DIS3: variants seen among roughly 807,000 people sequenced by gnomAD.
DIS3 encodes exosome complex exonuclease RRP44.
Under a neutral mutation model 113.0 loss-of-function variants are expected in DIS3, and 103 were observed. The ratio of observed to expected loss-of-function variants is 0.91; its 90% CI spans 0.78 to 1.07. The LOEUF (loss-of-function observed/expected upper bound fraction) is 1.07. Ranked by LOEUF, DIS3 falls within the 50% of genes least tolerant of loss-of-function variation. The probability of loss-of-function intolerance (pLI) is 0.00; values close to 1 mark genes in which losing one functional copy is unlikely to be tolerated. For missense variants in DIS3, 1,121 were observed against 1,167.1 expected, an observed-to-expected ratio of 0.96 and a Z score of 0.58; for synonymous variants, 402 against 394.3, an observed-to-expected ratio of 1.02 and a Z score of -0.23.
At chr13:72,770,002 T>C (rs1448275860) in intron 13 of DIS3, among the ~76,000 whole-genome samples, 1 of 152,190 alleles carries the variant, frequency 6.6e-6, no homozygotes, top group Non-Finnish European at 1.5e-5. Flanking sequence ...GGCTCCATTA[T>C]GAATAAACAT....
intron 10 of DIS3, 106 bp from the exon 11 acceptor site, chr13:72,772,002 C>T: frequency 7.6e-7 from 1 of 1,324,112 alleles, no homozygotes; most frequent in Non-Finnish European, 1.0e-6. Context: ...AAGACTCAGT[C>T]ACCTCTACCA....
rs376903395 is a variant in DIS3, at chr13:72,772,846, C to T, written c.1240-7G>A. On this transcript the variant is annotated splice_polypyrimidine_tract_variant and splice_region_variant and intron_variant, in intron 8 of 20. Transcript: ENST00000377767. ...AATTTCTCACAAAGTGTCCCTGAAA[C>T]CAAGAGGCATTATTAGAAACGCCTA... The T allele has an allele frequency of 1.3e-6, 2 of 1,583,632 alleles. No homozygotes were observed. The highest frequency in any genetic ancestry group is 2.7e-5 in the African/African-American group (2 of 73,194).
At chr13:72,778,451 T>C (rs562973013) in intron 2 of DIS3, 71 bp from the exon 3 acceptor site, 2 of 1,294,074 alleles carry the variant, frequency 1.5e-6, no homozygotes, top group African/African-American at 1.5e-5. Context: ...TCTTAGCACA[T>C]AAATGCTTAA....
chr13:72,763,717 C>T (rs745597263), intron 15 of DIS3, 110 bp from the exon 16 acceptor site: 15 of 1,081,112 alleles, frequency 1.4e-5, no homozygotes, highest in Non-Finnish European at 1.9e-5. Context: ...AGAGCATTTC[C>T]TATGTAAACA....
At chr13:72,769,931 GA>G (rs916665033) in intron 13 of DIS3, among the ~76,000 whole-genome samples, 33 of 152,286 alleles carry the variant, frequency 2.2e-4, no homozygotes, top group African/African-American at 7.5e-4. Flanking sequence ...AAATAAGAGA[GA>G]ACATAAGGGA....
Position 72,755,427 on chromosome 13 carries a change from A to G in DIS3, c.*4368T>C. Reference sequence around the variant, plus strand: ...TTGCTGAATTATAAGTTTATTTTTTATCAATAAATATTTTTATACTTACAT... The same window carrying G: ...TTGCTGAATTATAAGTTTATTTTTTGTCAATAAATATTTTTATACTTACAT... On this transcript the variant is annotated 3_prime_UTR_variant, in exon 21 of 21. Transcript: ENST00000377767. 1.9e-6 allele frequency: 1 copy of G among 516,264 alleles called. No individual in the cohort carries two copies. The allele number at this position is 516,264 out of a possible 1,614,324, so 32.0% of individuals were successfully genotyped here. A position where few individuals can be genotyped will look rare whatever the true frequency, so the allele number is the denominator to read the frequency against.
rs773933088 is a variant in DIS3 at position 72,760,498 on chromosome 13, CACA to C, written c.2793+28_2793+30del. On this transcript the variant is annotated intron_variant, in intron 20 of 20. Transcript: ENST00000377767. ...ACAAAATATGTACTGTTTGTTCCAT[CACA>C]ACAAGGAAATTTTAAGTTTGGCCTT... The C allele has an allele frequency of 9.3e-6, 15 of 1,612,686 alleles. No individual in the cohort carries two copies. In the South Asian group the frequency reaches 9.9e-5, roughly 11 times the overall value.
In DIS3 at chr13:72,781,605, C is replaced by CT; in HGVS notation, c.227dup (p.Ile77AspfsTer2). On this transcript the variant is annotated frameshift_variant and splice_region_variant, in exon 1 of 21. Transcript: ENST00000377767. LOFTEE classifies it high-confidence loss of function. ...GTCCGCGGTTCGCCCGCCCACGCACCTGGTGCAGTAACACATTAGTGTCGG... is the reference window on the plus strand; with the variant it reads ...GTCCGCGGTTCGCCCGCCCACGCACCTTGGTGCAGTAACACATTAGTGTCGG... The CT allele has an allele frequency of 6.6e-7, 1 of 1,510,194 alleles. No homozygotes were observed. The highest frequency in any genetic ancestry group is 1.3e-5 in the South Asian group (1 of 79,696). 93.5% of individuals were successfully genotyped at this position (1,510,194 alleles called of 1,614,324 possible). A position where few individuals can be genotyped will look rare whatever the true frequency, so the allele number is the denominator to read the frequency against.
chr13:72,775,693 T>C (rs2033997291), intron 5 of DIS3, among the ~76,000 whole-genome samples: 1 of 152,072 alleles, frequency 6.6e-6, no homozygotes, highest in African/African-American at 2.4e-5. Context: ...AAGAGTACAC[T>C]ACCTAGTTTT....
intron 2 of DIS3, among the ~76,000 whole-genome samples, chr13:72,780,556 T>C (rs2138247227): frequency 6.6e-6 from 1 of 152,268 alleles, no homozygotes; most frequent in African/African-American, 2.4e-5. Flanking sequence ...CAAGATTCTA[T>C]GGTCCAACTC....
rs2033888342 is a variant in DIS3 at position 72,771,649 on chromosome 13, A to C, written c.1605+146T>G. ...TGACTTTCACAATACTTTACTTGTT[A>C]TTTGAACCACTCGATAACAAAAATT... is the stretch of plus-strand genomic sequence containing the variant. On this transcript the variant is annotated intron_variant, in intron 11 of 20. Coordinates refer to ENST00000377767, the MANE Select transcript of DIS3 (RefSeq NM_014953.5). 6 of 655,216 alleles carry C rather than the reference A, an allele frequency of 9.2e-6. No individual in the cohort carries two copies. The South Asian group carries it at 1.4e-4, about 15-fold the overall frequency. The allele number at this position is 655,216 out of a possible 1,614,324, so 40.6% of individuals were successfully genotyped here. A position where few individuals can be genotyped will look rare whatever the true frequency, so the allele number is the denominator to read the frequency against.
Position 72,756,938 on chromosome 13 carries a change from G to A in DIS3, c.*2857C>T, listed in dbSNP as rs1336472447. 1 of 152,150 alleles carries A rather than the reference G, an allele frequency of 6.6e-6. No individual in the cohort carries two copies. Among genetic ancestry groups the A allele is most frequent in the Non-Finnish European group, 1.5e-5 (1 of 68,026 alleles). 9.4% of individuals were successfully genotyped at this position (152,150 alleles called of 1,614,324 possible). On this transcript the variant is annotated 3_prime_UTR_variant, in exon 21 of 21. Transcript: ENST00000377767. ...ACCATAAACCTCCATTTTCTCATCT[G>A]TTAAATGGAGATAACAGTCCTGGCT...
chr13:72,762,111 G>A lies in DIS3; in HGVS notation c.2154C>T (p.Ala718=), dbSNP rs139459760. 278 of 1,613,846 alleles carry A rather than the reference G, an allele frequency of 1.7e-4. No individual in the cohort carries two copies. In the African/African-American group the frequency reaches 3.3e-3, roughly 19 times the overall value. The change falls in exon 17 of 21, where the codon GCC becomes GCT. Residue 718 remains alanine, a synonymous_variant. Coordinates refer to ENST00000377767, the MANE Select transcript of DIS3 (RefSeq NM_014953.5). ...GATCCAAAGACTCAGCCAAAGACTT[G>A]GCTGTATCAGTCTTAATTTCCAAAT... ...SRNLEIKTDT[A]KSLAESLDQA...
rs185320456 is a variant in DIS3 at position 72,768,470 on chromosome 13, T to C, written c.1883+315A>G. ...TTCAAGACCAGCCTGGCCAACAAGGTGAAACTCCATATCTACTAAAAATAC... is the reference window on the plus strand; with the variant it reads ...TTCAAGACCAGCCTGGCCAACAAGGCGAAACTCCATATCTACTAAAAATAC... On this transcript the variant is annotated intron_variant, in intron 14 of 20. Transcript: ENST00000377767. Among the ~76,000 whole-genome samples, 514 of 152,204 alleles carry C rather than the reference T, an allele frequency of 3.4e-3. 5 individuals carry two copies. The highest frequency in any genetic ancestry group is 0.012 in the African/African-American group (489 of 41,544).
rs1233256241 is a variant in DIS3, at chr13:72,777,557, T to C, written c.581-64A>G. 3.6e-6 allele frequency: 5 copies of C among 1,399,528 alleles called. No individual in the cohort carries two copies. The Admixed American group carries it at 5.2e-5, about 15-fold the overall frequency. The allele number at this position is 1,399,528 out of a possible 1,614,324, so 86.7% of individuals were successfully genotyped here. On this transcript the variant is annotated intron_variant, in intron 3 of 20. Coordinates refer to ENST00000377767, the MANE Select transcript of DIS3 (RefSeq NM_014953.5). ...TTTCCTTAGATATGAAAAAAATGGA[T>C]AGTCTTGTTTGCGACAGTATACACG...
intron 6 of DIS3, among the ~76,000 whole-genome samples, chr13:72,774,588 C>T (rs1409939626): frequency 6.6e-6 from 1 of 152,048 alleles, no homozygotes; most frequent in African/African-American, 2.4e-5. Flanking sequence ...GGCCTGGACT[C>T]TCCATGGATA....
In DIS3 at chr13:72,752,626, G is replaced by C. The variant is rs1566230206; in HGVS notation, c.*7169C>G. On this transcript the variant is annotated 3_prime_UTR_variant, in exon 21 of 21. Coordinates refer to ENST00000377767, the MANE Select transcript of DIS3 (RefSeq NM_014953.5). ...ATCTGACATTTATATTTTTGATCAA[G>C]TAGCTATTGAATGATAGCAGAACAA... 6.6e-6 allele frequency: 1 copy of C among 152,184 alleles called. No homozygotes were observed. The highest frequency in any genetic ancestry group is 2.1e-4 in the South Asian group (1 of 4,834). 9.4% of individuals were successfully genotyped at this position (152,184 alleles called of 1,614,324 possible).
chr13:72,766,470 G>C (rs562464349), intron 14 of DIS3, among the ~76,000 whole-genome samples: 1 of 152,256 alleles, frequency 6.6e-6, no homozygotes, highest in African/African-American at 2.4e-5. Context: ...AGGGGCAAAA[G>C]GGGAAGCTGC....
At position 72,781,282 on chromosome 13, in the gene DIS3, C is replaced by CACTT. The variant is rs1244961309; in HGVS notation, c.229-283_229-280dup. On this transcript the variant is annotated intron_variant, in intron 1 of 20. Transcript: ENST00000377767. ...GCCCACATAGTTTTTTGTTCCTAGGCACTTACAAGCTGCCTGGGAGTCGCA... is the reference window on the plus strand; with the variant it reads ...GCCCACATAGTTTTTTGTTCCTAGGCACTTACTTACAAGCTGCCTGGGAGTCGCA... The CACTT allele has an allele frequency of 2.6e-6, 4 of 1,551,146 alleles. No homozygotes were observed. The Admixed American group carries it at 7.8e-5, about 30-fold the overall frequency.
Sources: allele counts gnomAD v4.1 joint callset (sites outside exome capture counted in the v4.1 genomes callset), GRCh38; gene constraint gnomAD v4.1.1; transcripts MANE v1.5; gene names NCBI Gene and HGNC (gene_info 2026-07-23, HGNC 2026-07-21).